FGF12: variants seen among roughly 807,000 people sequenced by gnomAD.
FGF12 encodes fibroblast growth factor 12B.
Under a neutral mutation model 23.6 loss-of-function variants are expected in FGF12, and 14 were observed. The ratio of observed to expected loss-of-function variants is 0.59; its 90% CI spans 0.39 to 0.93. The LOEUF (loss-of-function observed/expected upper bound fraction) is 0.93, where lower values mean the gene tolerates loss of function less well. FGF12 is among the 40% of genes least tolerant of loss of function. FGF12 has a pLI of 0.00. For synonymous variants in FGF12, 62 were observed against 77.3 expected (o/e 0.80, Z 1.04); for missense variants, 175 against 217.8 (o/e 0.80, Z 1.24).
In FGF12 at chr3:192,360,796, C is replaced by T. The variant is rs1005198055; in HGVS notation, c.14-258G>A. On this transcript the variant is annotated intron_variant, in intron 2 of 5. Coordinates refer to ENST00000445105, the MANE Select transcript of FGF12 (RefSeq NM_004113.6). The surrounding 1 kb of genome is among the most constrained non-coding windows in gnomAD (Gnocchi z 4.3). ...ATGATTGGGAAAATACAGAGACATG[C>T]TAAAAAGTGAGTTATTTTCCTCCTT... 8.7e-6 allele frequency: 4 copies of T among 460,244 alleles called. No individual in the cohort carries two copies. The highest frequency in any genetic ancestry group is 7.9e-5 in the African/African-American group (4 of 50,440). 28.5% of individuals were successfully genotyped at this position (460,244 alleles called of 1,614,324 possible).
chr3:192,418,362 A>G (rs953543782), intron 2 of FGF12, among the ~76,000 whole-genome samples: 1 of 152,150 alleles, frequency 6.6e-6, no homozygotes, highest in Non-Finnish European at 1.5e-5. Flanking sequence ...CGTTCAACAC[A>G]GACTATGGAG....
intron 4 of FGF12, among the ~76,000 whole-genome samples, chr3:192,309,171 G>C (rs1244500569): frequency 1.3e-5 from 2 of 152,152 alleles, no homozygotes; most frequent in Non-Finnish European, 2.9e-5. Context: ...TGCAAAGGAA[G>C]AGAATAAAAT....
intron 2 of FGF12, among the ~76,000 whole-genome samples, chr3:192,487,065 C>T (rs1362493726): frequency 6.6e-6 from 1 of 152,020 alleles, no homozygotes; most frequent in Non-Finnish European, 1.5e-5. Flanking sequence ...TGCCTAGAAC[C>T]AACTGGCTGG....
intron 2 of FGF12, among the ~76,000 whole-genome samples, chr3:192,512,760 C>T (rs1478564009): frequency 1.4e-5 from 2 of 147,526 alleles, no homozygotes; most frequent in Non-Finnish European, 3.0e-5. Flanking sequence ...CTCTACCCCA[C>T]TAAGTAAAAA....
intron 5 of FGF12, among the ~76,000 whole-genome samples, chr3:192,159,368 T>C (rs929202729): frequency 6.6e-6 from 1 of 152,218 alleles, no homozygotes; most frequent in Non-Finnish European, 1.5e-5. Context: ...CTTGGCTTCT[T>C]GAACATCAAT....
intron 4 of FGF12, among the ~76,000 whole-genome samples, chr3:192,332,943 T>C (rs34451372): frequency 0.021 from 3,178 of 152,222 alleles, 94 homozygotes; most frequent in African/African-American, 0.062. Flanking sequence ...GAAAGCATTG[T>C]GATTCTAGAT....
At chr3:192,572,171 T>C (rs1712669570) in intron 2 of FGF12, among the ~76,000 whole-genome samples, 1 of 152,198 alleles carries the variant, frequency 6.6e-6, no homozygotes, top group Non-Finnish European at 1.5e-5. Flanking sequence ...TCCTCTTTGT[T>C]TTTTATTTCT....
Position 192,408,836 on chromosome 3 carries a change from C to G in FGF12, c.14-48298G>C, listed in dbSNP as rs977499337. The G allele has an allele frequency of 2.5e-5, 25 of 985,572 alleles. No homozygotes were observed. In the African/African-American group the frequency reaches 3.7e-4, roughly 14 times the overall value. 61.1% of individuals were successfully genotyped at this position (985,572 alleles called of 1,614,324 possible). On this transcript the variant is annotated intron_variant, in intron 2 of 5. Transcript: ENST00000445105. This position sits in a 1 kb window ranked among gnomAD's most constrained non-coding sequence, Gnocchi z 7.3. ...AGGAAGGCAGCAATTTAACTCCCTG[C>G]GGCCCGCGGTTCTGAAGATTAGGAG...
chr3:192,701,193 C>G (rs1270512454), intron 2 of FGF12, among the ~76,000 whole-genome samples: 1 of 152,160 alleles, frequency 6.6e-6, no homozygotes, highest in Non-Finnish European at 1.5e-5. Flanking sequence ...ATAACTGTTT[C>G]AAGCAATTGT....
chr3:192,241,105 T>A (rs1248709864), intron 4 of FGF12, among the ~76,000 whole-genome samples: 1 of 152,200 alleles, frequency 6.6e-6, no homozygotes, highest in African/African-American at 2.4e-5. Context: ...AAACCCAATT[T>A]TTAACATGTA....
intron 2 of FGF12, chr3:192,516,929 A>G (rs538980655): frequency 3.7e-4 from 57 of 152,370 alleles, no homozygotes; most frequent in African/African-American, 1.3e-3. Context: ...ACCCATAGAA[A>G]TTCCCCACAG....
At position 192,624,507 on chromosome 3, in the gene FGF12, T is replaced by C. The variant is rs550827806; in HGVS notation, c.13+102674A>G. ...GAAAGTGATTCACTTATTTAGGTGT[T>C]CATTTATATTTTTTCTCATGTGAAT... On this transcript the variant is annotated intron_variant, in intron 2 of 5. Transcript: ENST00000445105. 2.0e-5 allele frequency among the ~76,000 whole-genome samples: 3 copies of C among 152,214 alleles called. No individual in the cohort carries two copies. The East Asian group carries it at 5.8e-4, about 29-fold the overall frequency.
chr3:192,711,303 C>G (rs1330830539), intron 2 of FGF12, among the ~76,000 whole-genome samples: 1 of 130,814 alleles, frequency 7.6e-6, no homozygotes, highest in Non-Finnish European at 1.5e-5. Context: ...CAGCCCCCAC[C>G]CAGCCAGCCG....
chr3:192,718,161 C>CTTTTTTTTTTTTTT (rs71177369), intron 2 of FGF12, among the ~76,000 whole-genome samples: 5 of 77,970 alleles, frequency 6.4e-5, no homozygotes, highest in African/African-American at 2.0e-4. Context: ...GTTAGTCTTT[C>CTTTTTTTTTTTTTT]TTTTTTTTTT....
chr3:192,546,457 CAT>C (rs1044686051), intron 2 of FGF12, among the ~76,000 whole-genome samples: 2 of 142,562 alleles, frequency 1.4e-5, no homozygotes, highest in Admixed American at 1.4e-4. Flanking sequence ...GAATCTGTAA[CAT>C]GTTTGTCATG....
At chr3:192,515,050 G>C (rs945641004) in intron 2 of FGF12, 2 of 159,866 alleles carry the variant, frequency 1.3e-5, no homozygotes, top group African/African-American at 4.8e-5. Flanking sequence ...GTCTGAGGAC[G>C]ACGCGGAGGA....
chr3:192,625,856 T>C (rs548614402), intron 2 of FGF12, among the ~76,000 whole-genome samples: 1 of 152,218 alleles, frequency 6.6e-6, no homozygotes, highest in East Asian at 1.9e-4. Flanking sequence ...TTTCTAAACT[T>C]TAAAAACCTA....
intron 2 of FGF12, among the ~76,000 whole-genome samples, chr3:192,610,967 C>T (rs1465656496): frequency 6.6e-6 from 1 of 151,980 alleles, no homozygotes; most frequent in South Asian, 2.1e-4. Context: ...TCCCTATAAC[C>T]GTTTCTGTTT....
rs188902457 is a variant in FGF12 at position 192,280,589 on chromosome 3, A to C, written c.228+54772T>G. The stretch of plus-strand genomic sequence containing the variant: ...GATTTAGGCACTTCTTATGTGCAAA[A>C]TACTGCTCTGAATGCTTTACATTTA... On this transcript the variant is annotated intron_variant, in intron 4 of 5. Coordinates refer to ENST00000445105, the MANE Select transcript of FGF12 (RefSeq NM_004113.6). 1.3e-4 allele frequency among the ~76,000 whole-genome samples: 20 copies of C among 152,244 alleles called. 1 individual carries two copies. In the East Asian group the frequency reaches 3.9e-3, roughly 29 times the overall value.
Sources: gnomAD v4.1 joint callset for allele counts (sites outside exome capture counted in the v4.1 genomes callset) on GRCh38, gnomAD v4.1.1 for gene constraint, Gnocchi (gnomAD v3.1) non-coding constraint, MANE v1.5 for transcripts, NCBI Gene and HGNC (gene_info 2026-07-23, HGNC 2026-07-21) for gene names.